Variants in C10orf105 observed in about 807,000 individuals in gnomAD.
The protein encoded by C10orf105 is uncharacterized protein C10orf105.
Under a neutral mutation model 0.6 loss-of-function variants are expected in C10orf105, and 2 were observed. The observed-to-expected ratio is 3.18, with a 90% confidence interval of 1.30 to 10.01. The LOEUF is 10.01. Among genes scored for constraint, C10orf105 ranks in the 30% most tolerant of loss-of-function variants. The pLI, the probability that C10orf105 is intolerant of heterozygous loss-of-function variation, is 0.04. For synonymous variants in C10orf105, 95 were observed against 82.4 expected, an observed-to-expected ratio of 1.15 and a Z score of -0.83; for missense variants, 209 against 191.4, an observed-to-expected ratio of 1.09 and a Z score of -0.54.
intron 1 of C10orf105, among the ~76,000 whole-genome samples, chr10:71,729,806 G>T (rs75141466): frequency 0.02 from 3,006 of 152,110 alleles, 185 homozygotes; most frequent in East Asian, 0.17. Flanking sequence ...AACCTTAGGA[G>T]TGGCATGGAG....
At chr10:71,722,142 T>C (rs536519224), upstream of C10orf105, among the ~76,000 whole-genome samples, 2 of 152,310 alleles carry the variant, frequency 1.3e-5, no homozygotes, top group South Asian at 4.1e-4. Context: ...AAATCCATTC[T>C]ATATTATCTT....
intron 1 of C10orf105, 73 bp from the exon 2 acceptor site, chr10:71,716,415 A>C: frequency 1.6e-6 from 2 of 1,246,648 alleles, no homozygotes; most frequent in Non-Finnish European, 2.2e-6. Context: ...GGGAAGACTT[A>C]CCTAGGGAAT....
upstream of C10orf105, chr10:71,724,221 C>A: frequency 1.8e-6 from 2 of 1,090,202 alleles, no homozygotes; most frequent in Non-Finnish European, 2.7e-6. Context: ...GGGCCATATA[C>A]ATGGGGCGAG....
Position 71,712,863 on chromosome 10 carries a change from G to A in C10orf105, c.*3073C>T, listed in dbSNP as rs776650486. The A allele has an allele frequency of 1.1e-5, 18 of 1,585,578 alleles. No individual in the cohort carries two copies. Among genetic ancestry groups the A allele is most frequent in the Non-Finnish European group, 1.5e-5 (17 of 1,165,134 alleles). On this transcript the variant is annotated 3_prime_UTR_variant, in exon 2 of 2. Coordinates refer to ENST00000441508, the MANE Select transcript of C10orf105 (RefSeq NM_001164375.3). ...CAGGTGGTGGGCTGGGGGAGGCGGA[G>A]CCACACACGGCCCTGAGGGCACATG... is the stretch of plus-strand genomic sequence containing the variant.
chr10:71,737,654 G>A, intron 1 of C10orf105: 1 of 466,514 alleles, frequency 2.1e-6, no homozygotes, highest in South Asian at 1.6e-5. Context: ...AGTGGGAGAA[G>A]GCCTGTCCTG....
At chr10:71,734,316 G>A (rs1161981728) in intron 1 of C10orf105, 8 of 1,611,142 alleles carry the variant, frequency 5.0e-6, no homozygotes, top group Non-Finnish European at 6.8e-6. Flanking sequence ...GCAGATGACG[G>A]CGGCCCCAAG....
intron 1 of C10orf105, among the ~76,000 whole-genome samples, chr10:71,727,498 G>T (rs1351144590): frequency 6.6e-6 from 1 of 152,206 alleles, no homozygotes. Flanking sequence ...CTGGCTTTCC[G>T]CTGGACTCAT....
rs368825395 is a variant in C10orf105 at position 71,730,522 on chromosome 10, G to T, written c.-6+7206C>A. The stretch of plus-strand genomic sequence containing the variant: ...ATGAGGCCCCCGTGTTCACACAGCA[G>T]CAGTACAGCCGTCTGGGGCTTCGAG... On this transcript the variant is annotated intron_variant, in intron 1 of 1. Coordinates refer to the C10orf105 transcript ENST00000398786. 1.5e-5 allele frequency: 24 copies of T among 1,613,864 alleles called. No individual in the cohort carries two copies. In the African/African-American group the frequency reaches 3.2e-4, roughly 22 times the overall value.
In C10orf105 at chr10:71,714,646, G is replaced by A. The variant is rs906547313; in HGVS notation, c.*1290C>T. 6.6e-6 allele frequency: 1 copy of A among 152,244 alleles called. No individual in the cohort carries two copies. The highest frequency in any genetic ancestry group is 1.5e-5 in the Non-Finnish European group (1 of 68,060). 9.4% of individuals were successfully genotyped at this position (152,244 alleles called of 1,614,324 possible). ...AGATTAATTGGAGCCAGCTCCCAGA[G>A]GGCACTGCACACTGCGCTGAGGAGC... On this transcript the variant is annotated 3_prime_UTR_variant, in exon 2 of 2. Coordinates refer to ENST00000441508, the MANE Select transcript of C10orf105 (RefSeq NM_001164375.3).
At position 71,712,425 on chromosome 10, in the gene C10orf105, A is replaced by C. The variant is rs1243583604; in HGVS notation, c.*3511T>G. The stretch of plus-strand genomic sequence containing the variant: ...GGGATGACAGTAAAGTGTCTGCTTC[A>C]TGGGGTTGCTGTGAGGACTGAATGG... On this transcript the variant is annotated 3_prime_UTR_variant, in exon 2 of 2. Coordinates refer to ENST00000441508, the MANE Select transcript of C10orf105 (RefSeq NM_001164375.3). The C allele has an allele frequency of 2.0e-6, 1 of 488,148 alleles. No individual in the cohort carries two copies. The highest frequency in any genetic ancestry group is 3.7e-6 in the Non-Finnish European group (1 of 271,100). 30.2% of individuals were successfully genotyped at this position (488,148 alleles called of 1,614,324 possible). A position where few individuals can be genotyped will look rare whatever the true frequency, so the allele number is the denominator to read the frequency against.
rs372569998 is a variant in C10orf105 at position 71,716,011 on chromosome 10, G to A, written c.327C>T (p.Thr109=). The A allele has an allele frequency of 8.7e-5, 130 of 1,500,722 alleles. No individual in the cohort carries two copies. The highest frequency in any genetic ancestry group is 7.7e-4 in the East Asian group (31 of 40,264). 93.0% of individuals were successfully genotyped at this position (1,500,722 alleles called of 1,614,324 possible). A position where few individuals can be genotyped will look rare whatever the true frequency, so the allele number is the denominator to read the frequency against. Residue 109 remains threonine (T), a synonymous_variant, in exon 2 of 2, where the codon ACC becomes ACT. Transcript: ENST00000441508. ...GGCCCGGCAGGGGCTGTCGAGGGAC[G>A]GTGGGCCGGCCATGGCGGAAGCTGT... The part of the protein sequence containing the change: ...SLHSFRHGRP[T]VPRQPLPGPE...
rs546282440 is a variant in C10orf105, at chr10:71,734,474, C to T, written c.-6+3254G>A. ...CGAGGGTCTTGATAGCCTGAGGCTTCGCCATGTCCAGCCATGCCACACCTT... is the reference window on the plus strand; with the variant it reads ...CGAGGGTCTTGATAGCCTGAGGCTTTGCCATGTCCAGCCATGCCACACCTT... On this transcript the variant is annotated intron_variant, in intron 1 of 1. Coordinates refer to the C10orf105 transcript ENST00000398786. 1.6e-3 allele frequency: 2,402 copies of T among 1,506,250 alleles called. 5 individuals are homozygous for T. Among genetic ancestry groups the T allele is most frequent in the Non-Finnish European group, 2.0e-3 (2,231 of 1,109,746 alleles). The allele number at this position is 1,506,250 out of a possible 1,614,324, so 93.3% of individuals were successfully genotyped here.
chr10:71,719,068 A>G (rs979940520), intron 1 of C10orf105, among the ~76,000 whole-genome samples: 1 of 151,904 alleles, frequency 6.6e-6, no homozygotes, highest in Middle Eastern at 3.4e-3. Context: ...ACAGAGCAAC[A>G]CTCTGTCTCA....
At chr10:71,737,719 C>A in intron 1 of C10orf105, 1 of 470,920 alleles carries the variant, frequency 2.1e-6, no homozygotes. Context: ...TCAGTGAACC[C>A]CTGGGTACCT....
intron 1 of C10orf105, chr10:71,717,056 GC>G (rs1478497163): frequency 6.6e-6 from 1 of 152,276 alleles, no homozygotes; most frequent in Non-Finnish European, 1.5e-5. Flanking sequence ...CACCTGCCTG[GC>G]CCCGTGGGGA....
At position 71,715,810 on chromosome 10, in the gene C10orf105, G is replaced by C. The variant is rs1258156900; in HGVS notation, c.*126C>G. The C allele has an allele frequency of 1.1e-5, 10 of 920,084 alleles. No homozygotes were observed. Among genetic ancestry groups the C allele is most frequent in the Middle Eastern group, 2.3e-4 (1 of 4,426 alleles). The allele number at this position is 920,084 out of a possible 1,614,324, so 57.0% of individuals were successfully genotyped here. ...GGCCTGGGCATGCAAGGAGCTTCGG[G>C]GGGTGAGTGTGTGTCCCAGACTGCT... On this transcript the variant is annotated 3_prime_UTR_variant, in exon 2 of 2. Coordinates refer to ENST00000441508, the MANE Select transcript of C10orf105 (RefSeq NM_001164375.3).
At chr10:71,722,926 C>T (rs917099505), upstream of C10orf105, among the ~76,000 whole-genome samples, 1 of 152,152 alleles carries the variant, frequency 6.6e-6, no homozygotes, top group Non-Finnish European at 1.5e-5. Flanking sequence ...GATATTCCCA[C>T]ATTTTACTGC....
chr10:71,724,143 T>A (rs983562860), upstream of C10orf105: 40 of 1,547,504 alleles, frequency 2.6e-5, no homozygotes, highest in Non-Finnish European at 3.2e-5. Context: ...GCGGTCCTCC[T>A]GCCCAGGGGA....
chr10:71,731,557 C>A (rs1241783384), intron 1 of C10orf105, among the ~76,000 whole-genome samples: 1 of 152,104 alleles, frequency 6.6e-6, no homozygotes, highest in African/African-American at 2.4e-5. Context: ...GGAAGGTGTC[C>A]CTGACACTGA....
Sources: gnomAD v4.1 joint callset for allele counts (sites outside exome capture counted in the v4.1 genomes callset) on GRCh38, gnomAD v4.1.1 for gene constraint, MANE v1.5 for transcripts, NCBI Gene and HGNC (gene_info 2026-07-23, HGNC 2026-07-21) for gene names.